The following LEKR1 variants were observed in gnomAD, a reference collection of about 807,000 sequenced individuals.
LEKR1 encodes protein LEKR1.
Under a neutral mutation model 72.4 loss-of-function variants are expected in LEKR1, and 59 were observed. The ratio of observed to expected loss-of-function variants is 0.82; its 90% CI spans 0.66 to 1.01. LEKR1 has a LOEUF of 1.01. Ranked by LOEUF, LEKR1 falls within the 50% of genes least tolerant of loss-of-function variation. The pLI is 0.00. For missense variants in LEKR1, 728 were observed against 759.2 expected (o/e 0.96, Z 0.48); for synonymous variants, 257 against 263.2 (o/e 0.98, Z 0.23).
intron 3 of LEKR1, among the ~76,000 whole-genome samples, chr3:156,894,093 A>G (rs908861467): frequency 3.9e-5 from 6 of 152,234 alleles, no homozygotes; most frequent in South Asian, 2.1e-4. Context: ...TAGGAGAAGG[A>G]AGTCTTTAAT....
At chr3:156,990,883 G>A (rs898811540) in intron 7 of LEKR1, among the ~76,000 whole-genome samples, 1 of 152,164 alleles carries the variant, frequency 6.6e-6, no homozygotes, top group Non-Finnish European at 1.5e-5. Flanking sequence ...AATAGGGAAT[G>A]GTGATAGAAG....
chr3:157,035,183 C>A (rs1420310958), intron 12 of LEKR1, among the ~76,000 whole-genome samples: 1 of 152,092 alleles, frequency 6.6e-6, no homozygotes, highest in Non-Finnish European at 1.5e-5. Context: ...CAATGGGAAA[C>A]CAAAAAATTC....
rs151076849 is a variant in LEKR1 at position 156,997,948 on chromosome 3, G to A, written c.1109+4671G>A. On this transcript the variant is annotated intron_variant, in intron 9 of 12. Coordinates refer to ENST00000356539, the MANE Select transcript of LEKR1 (RefSeq NM_001004316.3). ...TCTTCAGTGAAAGGAAAAGAAGTAGGTCTTCTCGAATCATGGGATTCTGCA... is the reference window on the plus strand; with the variant it reads ...TCTTCAGTGAAAGGAAAAGAAGTAGATCTTCTCGAATCATGGGATTCTGCA... Among the ~76,000 whole-genome samples, 863 of 152,312 alleles carry A rather than the reference G, an allele frequency of 5.7e-3. 4 individuals are homozygous for A. Among genetic ancestry groups the A allele is most frequent in the African/African-American group, 0.02 (812 of 41,564 alleles).
At chr3:156,917,510 TG>T (rs1013606010) in intron 3 of LEKR1, among the ~76,000 whole-genome samples, 2 of 151,688 alleles carry the variant, frequency 1.3e-5, no homozygotes, top group Middle Eastern at 3.4e-3. Context: ...GGGGGAAGGG[TG>T]GGGGGCCCAC....
chr3:156,907,214 TC>T (rs1722612517), intron 3 of LEKR1, among the ~76,000 whole-genome samples: 1 of 152,096 alleles, frequency 6.6e-6, no homozygotes, highest in Non-Finnish European at 1.5e-5. Flanking sequence ...TCTGTAGAGA[TC>T]ACCCTGCTTT....
intron 2 of LEKR1, among the ~76,000 whole-genome samples, chr3:156,848,855 C>A (rs968389755): frequency 1.5e-4 from 23 of 152,082 alleles, no homozygotes; most frequent in Non-Finnish European, 2.9e-4. Context: ...TAACCAAAGG[C>A]AATAACTATG....
chr3:156,933,864 AG>A (rs1262733021), intron 5 of LEKR1, among the ~76,000 whole-genome samples: 1 of 152,192 alleles, frequency 6.6e-6, no homozygotes, highest in Non-Finnish European at 1.5e-5. Context: ...CTTTGTGTAG[AG>A]GAACAACCCT....
rs142978731 is a variant in LEKR1 at position 156,997,918 on chromosome 3, A to G, written c.1109+4641A>G. ...TCAGCTGAGGAAGTGAAAGGTAGGG[A>G]AGAATCTTCAGTGAAAGGAAAAGAA... On this transcript the variant is annotated intron_variant, in intron 9 of 12. Transcript: ENST00000356539. Among the ~76,000 whole-genome samples, 3 of 152,344 alleles carry G rather than the reference A, an allele frequency of 2.0e-5. No homozygotes were observed. The East Asian group carries it at 5.8e-4, about 29-fold the overall frequency.
chr3:156,918,500 G>C (rs571261315), intron 3 of LEKR1, among the ~76,000 whole-genome samples: 1 of 152,160 alleles, frequency 6.6e-6, no homozygotes, highest in South Asian at 2.1e-4. Flanking sequence ...TGGACTATGA[G>C]AATAAAGTAC....
intron 7 of LEKR1, among the ~76,000 whole-genome samples, chr3:156,980,668 ACTGTG>A (rs1730115128): frequency 6.6e-6 from 1 of 152,168 alleles, no homozygotes; most frequent in Non-Finnish European, 1.5e-5. Context: ...GGCCCCAGCT[ACTGTG>A]TGATGATTGC....
chr3:157,016,022 C>T (rs10936050), intron 10 of LEKR1, among the ~76,000 whole-genome samples: 13,595 of 151,758 alleles, frequency 0.09, 671 homozygotes, highest in African/African-American at 0.12. Context: ...TTAAATAAAA[C>T]AAGATAGAAT....
intron 3 of LEKR1, 25 bp downstream of exon 3, chr3:156,853,007 CATTT>C: frequency 6.9e-7 from 1 of 1,452,914 alleles, no homozygotes; most frequent in East Asian, 2.5e-5. Flanking sequence ...TCTTTTCTAT[CATTT>C]ATTTAGTTGA....
At chr3:156,966,984 C>T (rs918541545) in intron 6 of LEKR1, among the ~76,000 whole-genome samples, 4 of 152,240 alleles carry the variant, frequency 2.6e-5, no homozygotes, top group Non-Finnish European at 5.9e-5. Context: ...ATATGCTGTT[C>T]TGCAGCCTCC....
chr3:156,941,542 A>C (rs746556916), intron 5 of LEKR1, among the ~76,000 whole-genome samples: 10 of 152,054 alleles, frequency 6.6e-5, no homozygotes, highest in Non-Finnish European at 1.2e-4. Flanking sequence ...CTGTGGTGGC[A>C]CCAAGAGCAA....
intron 3 of LEKR1, among the ~76,000 whole-genome samples, chr3:156,916,246 C>A (rs1723633807): frequency 6.6e-6 from 1 of 150,826 alleles, no homozygotes; most frequent in Admixed American, 6.6e-5. Flanking sequence ...TATTTGGGCT[C>A]TTTTTTTTTG....
intron 6 of LEKR1, among the ~76,000 whole-genome samples, chr3:156,963,018 C>T (rs1424488922): frequency 3.3e-5 from 5 of 152,156 alleles, no homozygotes; most frequent in Non-Finnish European, 7.3e-5. Context: ...AAATTCACCC[C>T]TCTCAGATAG....
chr3:156,965,152 G>C (rs1007428085), intron 6 of LEKR1, among the ~76,000 whole-genome samples: 2 of 151,950 alleles, frequency 1.3e-5, no homozygotes, highest in Non-Finnish European at 2.9e-5. Flanking sequence ...CTATGTGATA[G>C]GTAAAGTATT....
intron 9 of LEKR1, among the ~76,000 whole-genome samples, chr3:157,005,802 T>C (rs1256739494): frequency 1.3e-5 from 2 of 151,598 alleles, no homozygotes; most frequent in African/African-American, 4.8e-5. Context: ...AATAAAGGAG[T>C]TTTTCTATAA....
intron 10 of LEKR1, among the ~76,000 whole-genome samples, chr3:157,021,733 AT>A (rs1733851958): frequency 1.3e-5 from 2 of 152,136 alleles, no homozygotes; most frequent in African/African-American, 4.8e-5. Context: ...TAGCACCTCA[AT>A]ACACATTTTT....
Sources: gnomAD v4.1 joint callset for allele counts (sites outside exome capture counted in the v4.1 genomes callset) on GRCh38, gnomAD v4.1.1 for gene constraint, MANE v1.5 for transcripts, NCBI Gene and HGNC (gene_info 2026-07-23, HGNC 2026-07-21) for gene names.